GBE1: variants seen among roughly 807,000 people sequenced by gnomAD.
The protein encoded by GBE1 is 1,4-alpha-glucan branching enzyme 1.
In GBE1, 70 loss-of-function variants were observed where a neutral mutation model predicts 88.8. The ratio of observed to expected loss-of-function variants is 0.79; its 90% CI spans 0.65 to 0.96. The LOEUF is 0.96. Ranked by LOEUF, GBE1 falls within the 40% of genes least tolerant of loss-of-function variation. The pLI is 0.00. For synonymous variants in GBE1, 284 were observed against 300.1 expected, an observed-to-expected ratio of 0.95 and a Z score of 0.56; for missense variants, 872 against 871.0, an observed-to-expected ratio of 1.00 and a Z score of -0.01.
At chr3:81,571,970 A>C (rs1170923761) in intron 12 of GBE1, among the ~76,000 whole-genome samples, 1 of 152,190 alleles carries the variant, frequency 6.6e-6, no homozygotes, top group East Asian at 1.9e-4. Context: ...TTGTGTCCCC[A>C]CCCAAATCTC....
At chr3:81,746,072 A>G (rs1461050110) in intron 1 of GBE1, among the ~76,000 whole-genome samples, 1 of 152,210 alleles carries the variant, frequency 6.6e-6, no homozygotes, top group Non-Finnish European at 1.5e-5. Flanking sequence ...AAATTATAAC[A>G]CAAAATATTA....
intron 14 of GBE1, among the ~76,000 whole-genome samples, chr3:81,503,022 A>G (rs1702609283): frequency 6.6e-6 from 1 of 152,188 alleles, no homozygotes; most frequent in Admixed American, 6.5e-5. Flanking sequence ...CAATTTCCCA[A>G]TAAAACTTTG....
Position 81,649,931 on chromosome 3 carries a change from G to A in GBE1, c.430-10C>T. 1.9e-6 allele frequency: 3 copies of A among 1,598,742 alleles called. No homozygotes were observed. Among genetic ancestry groups the A allele is most frequent in the Non-Finnish European group, 2.6e-6 (3 of 1,167,908 alleles). On this transcript the variant is annotated splice_polypyrimidine_tract_variant and intron_variant, in intron 3 of 15. Transcript: ENST00000429644. ...TACTAGTAATAACTACCTAAAAAGAGAATGACATGTTATTGCTTTAAAATA... is the reference window on the plus strand; with the variant it reads ...TACTAGTAATAACTACCTAAAAAGAAAATGACATGTTATTGCTTTAAAATA...
At chr3:81,559,658 G>A (rs924146027) in intron 12 of GBE1, among the ~76,000 whole-genome samples, 5 of 151,852 alleles carry the variant, frequency 3.3e-5, no homozygotes, top group African/African-American at 1.2e-4. Context: ...ATATACACTT[G>A]AAGATAGCCA....
intron 3 of GBE1, among the ~76,000 whole-genome samples, chr3:81,651,980 T>A (rs1270008168): frequency 6.6e-6 from 1 of 152,216 alleles, no homozygotes; most frequent in Non-Finnish European, 1.5e-5. Context: ...AATACCTGCA[T>A]GGTTCTCTGA....
intron 7 of GBE1, among the ~76,000 whole-genome samples, chr3:81,604,111 T>C (rs1704069955): frequency 6.6e-6 from 1 of 152,128 alleles, no homozygotes; most frequent in African/African-American, 2.4e-5. Context: ...AACTGGTTCA[T>C]GCAAGTAAGT....
At chr3:81,633,695 A>G (rs1295847169) in intron 7 of GBE1, among the ~76,000 whole-genome samples, 1 of 152,192 alleles carries the variant, frequency 6.6e-6, no homozygotes, top group Non-Finnish European at 1.5e-5. Flanking sequence ...AGGTTTATAA[A>G]ATTACCATTG....
At chr3:81,640,862 C>A in intron 7 of GBE1, among the ~76,000 whole-genome samples, 1 of 151,640 alleles carries the variant, frequency 6.6e-6, no homozygotes, top group African/African-American at 2.4e-5. Flanking sequence ...ATAAATTAAG[C>A]TAAAACTATA....
At chr3:81,563,743 T>A (rs912391881) in intron 12 of GBE1, among the ~76,000 whole-genome samples, 1 of 152,098 alleles carries the variant, frequency 6.6e-6, no homozygotes, top group Admixed American at 6.6e-5. Flanking sequence ...GATAAAAGTT[T>A]ATATATTTCT....
intron 15 of GBE1, among the ~76,000 whole-genome samples, chr3:81,491,276 C>T (rs985145036): frequency 7.2e-5 from 11 of 152,118 alleles, no homozygotes; most frequent in Non-Finnish European, 1.6e-4. Flanking sequence ...GCAGCTTTTT[C>T]GTTTCTTTCT....
chr3:81,682,815 A>G (rs2107132753), intron 2 of GBE1, among the ~76,000 whole-genome samples: 1 of 152,366 alleles, frequency 6.6e-6, no homozygotes, highest in South Asian at 2.1e-4. Flanking sequence ...TCATAGTAGA[A>G]TTACTCATAA....
intron 1 of GBE1, among the ~76,000 whole-genome samples, chr3:81,729,312 T>A (rs923629280): frequency 6.6e-6 from 1 of 152,062 alleles, no homozygotes; most frequent in Non-Finnish European, 1.5e-5. Flanking sequence ...CATGGGCAGG[T>A]CCCAGTGGCC....
intron 1 of GBE1, among the ~76,000 whole-genome samples, chr3:81,710,650 A>T (rs1705852394): frequency 2.0e-5 from 3 of 152,142 alleles, no homozygotes; most frequent in Non-Finnish European, 4.4e-5. Context: ...GGAATCAATG[A>T]AACAGCAGGA....
chr3:81,526,777 G>C (rs1236272614), intron 14 of GBE1, among the ~76,000 whole-genome samples: 4 of 152,036 alleles, frequency 2.6e-5, no homozygotes, highest in Non-Finnish European at 5.9e-5. Context: ...TCAATATCAT[G>C]AAAATGGCCA....
intron 14 of GBE1, among the ~76,000 whole-genome samples, chr3:81,527,521 C>A (rs1702958578): frequency 6.6e-6 from 1 of 152,000 alleles, no homozygotes; most frequent in Non-Finnish European, 1.5e-5. Flanking sequence ...AACAAATTTA[C>A]AAGACAAAAA....
intron 15 of GBE1, among the ~76,000 whole-genome samples, chr3:81,493,584 G>A (rs922044590): frequency 1.3e-5 from 2 of 150,518 alleles, no homozygotes; most frequent in African/African-American, 4.9e-5. Context: ...CCAGGCTGGA[G>A]TTCAATGGCA....
chr3:81,674,292 C>T (rs1184989071), intron 2 of GBE1, among the ~76,000 whole-genome samples: 1 of 151,908 alleles, frequency 6.6e-6, no homozygotes, highest in African/African-American at 2.4e-5. Flanking sequence ...ATGAGTTTCT[C>T]AAAATATCTA....
At position 81,537,113 on chromosome 3, in the gene GBE1, T is replaced by G. The variant is rs749763382; in HGVS notation, c.1619-18A>C. ...TTCATTACCTGCATTACAAAACACA[T>G]GCAAATATCAGCCTATTAATATTAG... On this transcript the variant is annotated intron_variant, in intron 12 of 15. Transcript: ENST00000429644. 7.1e-7 allele frequency: 1 copy of G among 1,409,484 alleles called. No individual in the cohort carries two copies. Among genetic ancestry groups the G allele is most frequent in the Non-Finnish European group, 9.4e-7 (1 of 1,062,204 alleles). The allele number at this position is 1,409,484 out of a possible 1,614,324, so 87.3% of individuals were successfully genotyped here.
At chr3:81,602,790 A>G (rs1307642140) in intron 7 of GBE1, among the ~76,000 whole-genome samples, 2 of 152,208 alleles carry the variant, frequency 1.3e-5, no homozygotes, top group Non-Finnish European at 2.9e-5. Flanking sequence ...GACTCCCTAC[A>G]TAATGCTTAA....
Sources: gnomAD v4.1 joint callset for allele counts (sites outside exome capture counted in the v4.1 genomes callset) on GRCh38, gnomAD v4.1.1 for gene constraint, MANE v1.5 for transcripts, NCBI Gene and HGNC (gene_info 2026-07-23, HGNC 2026-07-21) for gene names.